The following SHISA9 variants were observed in gnomAD, a reference collection of about 807,000 sequenced individuals.
SHISA9 encodes shisa family member 9.
SHISA9 carries 13 observed loss-of-function variants against 38.0 expected under a neutral mutation model. The ratio of observed to expected loss-of-function variants is 0.34; its 90% confidence interval spans 0.22 to 0.54. The LOEUF (loss-of-function observed/expected upper bound fraction) is 0.54. Among genes scored for constraint, SHISA9 ranks in the 20% least tolerant of loss-of-function variants. SHISA9 has a pLI of 0.91. For synonymous variants in SHISA9, 275 were observed against 242.0 expected (o/e 1.14, Z -1.27); for missense variants, 538 against 575.8 (o/e 0.93, Z 0.67).
the SHISA9 span, among the ~76,000 whole-genome samples, chr16:13,510,822 T>C: frequency 6.6e-6 from 1 of 152,140 alleles, no homozygotes; most frequent in East Asian, 1.9e-4. Flanking sequence ...GGTAATAGAC[T>C]AAGAATTGTC....
intron 3 of SHISA9, among the ~76,000 whole-genome samples, chr16:13,212,642 CTG>C (rs1416175620): frequency 1.3e-5 from 2 of 152,168 alleles, no homozygotes; most frequent in Non-Finnish European, 2.9e-5. Flanking sequence ...AAGGGTGACT[CTG>C]TGGATAAAAT....
chr16:13,517,610 C>T, the SHISA9 span, among the ~76,000 whole-genome samples: 1 of 152,136 alleles, frequency 6.6e-6, no homozygotes, highest in Non-Finnish European at 1.5e-5. Context: ...CAAGCTTTCC[C>T]AGTTTTCTCC....
the SHISA9 span, among the ~76,000 whole-genome samples, chr16:13,414,316 C>G: frequency 6.6e-6 from 1 of 152,160 alleles, no homozygotes; most frequent in Non-Finnish European, 1.5e-5. Context: ...GAAGTTCAAA[C>G]CACAAAAATT....
chr16:13,055,422 T>A (rs1390164958), intron 2 of SHISA9, among the ~76,000 whole-genome samples: 1 of 152,194 alleles, frequency 6.6e-6, no homozygotes, highest in East Asian at 1.9e-4. Context: ...CAGGAACTCA[T>A]GCATAGTAAA....
chr16:13,541,429 A>G, the SHISA9 span, among the ~76,000 whole-genome samples: 1 of 152,136 alleles, frequency 6.6e-6, no homozygotes, highest in Admixed American at 6.6e-5. Context: ...CTTTGCCTGA[A>G]CCCAGCCTTA....
intron 3 of SHISA9, among the ~76,000 whole-genome samples, chr16:13,208,488 C>T (rs191503024): frequency 7.3e-6 from 1 of 137,654 alleles, no homozygotes; most frequent in East Asian, 2.1e-4. Flanking sequence ...ATCACCCAGG[C>T]TGGAGTGCCA....
chr16:12,937,431 A>T (rs772051362), intron 2 of SHISA9, among the ~76,000 whole-genome samples: 6 of 152,206 alleles, frequency 3.9e-5, no homozygotes, highest in Non-Finnish European at 5.9e-5. Flanking sequence ...AACATTTCTG[A>T]ACACTTCTGC....
chr16:13,446,206 A>G, the SHISA9 span, among the ~76,000 whole-genome samples: 3 of 151,992 alleles, frequency 2.0e-5, no homozygotes, highest in African/African-American at 7.3e-5. Context: ...CAGCCTCCCA[A>G]AGTGCTGGGA....
the SHISA9 span, among the ~76,000 whole-genome samples, chr16:13,530,973 C>T: frequency 6.6e-6 from 1 of 152,190 alleles, no homozygotes; most frequent in African/African-American, 2.4e-5. Flanking sequence ...ATGCCTGGGA[C>T]TATTTCACCC....
chr16:12,953,292 G>C (rs150654302), intron 2 of SHISA9, among the ~76,000 whole-genome samples: 5 of 152,254 alleles, frequency 3.3e-5, no homozygotes, highest in African/African-American at 9.6e-5. Flanking sequence ...CCTACTCTGT[G>C]CTAGGCATTG....
intron 2 of SHISA9, among the ~76,000 whole-genome samples, chr16:13,027,353 G>A (rs932338510): frequency 1.3e-5 from 2 of 152,168 alleles, no homozygotes; most frequent in East Asian, 1.9e-4. Flanking sequence ...AGTTAGAGGT[G>A]CCCCAAAGAG....
At chr16:12,978,965 A>G (rs1298156379) in intron 2 of SHISA9, among the ~76,000 whole-genome samples, 1 of 152,210 alleles carries the variant, frequency 6.6e-6, no homozygotes, top group Non-Finnish European at 1.5e-5. Context: ...TGGGGGAACA[A>G]AACAGTGAGA....
the SHISA9 span, among the ~76,000 whole-genome samples, chr16:13,437,421 C>G: frequency 6.6e-6 from 1 of 152,154 alleles, no homozygotes; most frequent in African/African-American, 2.4e-5. Flanking sequence ...TGCCCAACCA[C>G]TCAGTAAAAA....
At chr16:13,241,757 G>C (rs1282690099), downstream of SHISA9, among the ~76,000 whole-genome samples, 2 of 152,186 alleles carry the variant, frequency 1.3e-5, no homozygotes, top group African/African-American at 4.8e-5. Context: ...GGGATTTGGA[G>C]ACCTTTCATT....
At chr16:13,380,881 C>G in the SHISA9 span, among the ~76,000 whole-genome samples, 3 of 125,114 alleles carry the variant, frequency 2.4e-5, no homozygotes, top group Non-Finnish European at 4.7e-5. Flanking sequence ...TCCATGTGTT[C>G]TCATTGTTCA....
chr16:13,087,149 T>A (rs1416536889), intron 2 of SHISA9, among the ~76,000 whole-genome samples: 3 of 67,062 alleles, frequency 4.5e-5, no homozygotes, highest in Non-Finnish European at 8.3e-5. Context: ...GAACTCGTCT[T>A]TTTTTTTTTT....
intron 4 of SHISA9, among the ~76,000 whole-genome samples, chr16:13,226,047 A>C (rs1293361345): frequency 6.6e-6 from 1 of 152,206 alleles, no homozygotes; most frequent in African/African-American, 2.4e-5. Context: ...TAATGCATTT[A>C]TTAATGGGGC....
At chr16:13,156,380 C>T (rs1037597635) in intron 2 of SHISA9, among the ~76,000 whole-genome samples, 2 of 152,216 alleles carry the variant, frequency 1.3e-5, no homozygotes, top group Non-Finnish European at 2.9e-5. Flanking sequence ...TGTGTGTACA[C>T]GCGTATATGC....
chr16:12,924,309 A>G (rs1347117380), intron 2 of SHISA9, among the ~76,000 whole-genome samples: 1 of 152,230 alleles, frequency 6.6e-6, no homozygotes, highest in African/African-American at 2.4e-5. Flanking sequence ...GCCAATGTCT[A>G]GACAATATGC....
Sources: gnomAD v4.1 joint callset for allele counts (sites outside exome capture counted in the v4.1 genomes callset) on GRCh38, gnomAD v4.1.1 for gene constraint, MANE v1.5 for transcripts, NCBI Gene and HGNC (gene_info 2026-07-23, HGNC 2026-07-21) for gene names.